CNOT10: variants seen among roughly 807,000 people sequenced by gnomAD.
The protein encoded by CNOT10 is CCR4-NOT transcription complex subunit 10.
In CNOT10, 30 loss-of-function variants were observed where a neutral mutation model predicts 94.6. The observed-to-expected ratio is 0.32, with a 90% CI of 0.24 to 0.43. The LOEUF (loss-of-function observed/expected upper bound fraction) is 0.43, where lower values mean the gene tolerates loss of function less well. Among genes scored for constraint, CNOT10 ranks in the 20% least tolerant of loss-of-function variants. The pLI, the probability that CNOT10 is intolerant of heterozygous loss-of-function variation, is 1.00. For missense variants in CNOT10, 759 were observed against 877.2 expected, an observed-to-expected ratio of 0.87 and a Z score of 1.70; for synonymous variants, 289 against 301.6, an observed-to-expected ratio of 0.96 and a Z score of 0.43.
chr3:32,767,364 C>T (rs1231785081), intron 17 of CNOT10, among the ~76,000 whole-genome samples: 1 of 151,830 alleles, frequency 6.6e-6, no homozygotes, highest in Admixed American at 6.6e-5. Context: ...ACTAAAAATG[C>T]AAAAAGTAGC....
At chr3:32,744,443 A>G (rs1390639266) in intron 13 of CNOT10, among the ~76,000 whole-genome samples, 1 of 152,158 alleles carries the variant, frequency 6.6e-6, no homozygotes, top group Non-Finnish European at 1.5e-5. Flanking sequence ...ACGGGTTTAT[A>G]GCCCCTTGAG....
At chr3:32,689,001 G>C (rs568616272) in intron 1 of CNOT10, among the ~76,000 whole-genome samples, 1 of 151,884 alleles carries the variant, frequency 6.6e-6, no homozygotes, top group Admixed American at 6.6e-5. Context: ...TCAAGAGATC[G>C]AGACCATCCT....
At chr3:32,727,641 G>A (rs762553455) in intron 9 of CNOT10, 27 bp from the exon 10 acceptor site, 2 of 1,388,378 alleles carry the variant, frequency 1.4e-6, no homozygotes, top group Non-Finnish European at 2.1e-6. Context: ...ATCTAATGAT[G>A]TATTCTTATC....
intron 10 of CNOT10, among the ~76,000 whole-genome samples, chr3:32,729,122 A>G (rs947607705): frequency 2.0e-5 from 3 of 152,164 alleles, no homozygotes; most frequent in Admixed American, 6.5e-5. Flanking sequence ...CATAATGTGG[A>G]AAGAGCTGCA....
chr3:32,737,306 T>G (rs1699232284), intron 12 of CNOT10, 104 bp from the exon 13 acceptor site: 1 of 704,424 alleles, frequency 1.4e-6, no homozygotes, highest in Non-Finnish European at 2.4e-6. Flanking sequence ...CGAGCAAAAC[T>G]CTGTCTCAAA....
chr3:32,714,216 G>T (rs1698018318), intron 5 of CNOT10, among the ~76,000 whole-genome samples: 1 of 152,014 alleles, frequency 6.6e-6, no homozygotes, highest in African/African-American at 2.4e-5. Context: ...ATCTTAGGGG[G>T]TGTGAAGTGG....
Position 32,716,238 on chromosome 3 carries a change from A to G in CNOT10, c.587A>G (p.Asn196Ser), listed in dbSNP as rs374333174. Residue 196 changes from asparagine to serine, a missense_variant, in exon 6 of 19, where the codon AAC (asparagine) becomes AGC (serine). Transcript: ENST00000328834. The part of the protein sequence containing the change: ...KNGKNETGNN[N>S]NKDGSNHKAE... The stretch of plus-strand genomic sequence containing the variant: ...ATCACCCTACAGACTGGTAATAACA[A>G]CAACAAAGATGGATCTAATCATAAA... The G allele has an allele frequency of 8.7e-5, 138 of 1,589,474 alleles. No individual in the cohort carries two copies. The highest frequency in any genetic ancestry group is 1.1e-4 in the Non-Finnish European group (131 of 1,165,898).
chr3:32,708,885 T>C (rs1697746024), intron 4 of CNOT10, 65 bp downstream of exon 4: 4 of 1,332,488 alleles, frequency 3.0e-6, no homozygotes, highest in Non-Finnish European at 4.1e-6. Flanking sequence ...CTCTGGTACT[T>C]TTACCTAGAT....
chr3:32,770,108 G>A lies in CNOT10; in HGVS notation c.2080+146G>A, dbSNP rs1030761556. 1.1e-5 allele frequency: 7 copies of A among 621,126 alleles called. No homozygotes were observed. The Admixed American group carries it at 1.8e-4, about 16-fold the overall frequency. The allele number at this position is 621,126 out of a possible 1,614,324, so 38.5% of individuals were successfully genotyped here. On this transcript the variant is annotated intron_variant, in intron 18 of 18. Coordinates refer to ENST00000328834, the MANE Select transcript of CNOT10 (RefSeq NM_015442.3). The stretch of plus-strand genomic sequence containing the variant: ...GCAGCCTCCAAACTCCTAGGCTCAA[G>A]CAGCCTTCCCACCTCAGCCTTCCAG...
At chr3:32,719,820 A>G (rs1698290357) in intron 7 of CNOT10, among the ~76,000 whole-genome samples, 1 of 152,234 alleles carries the variant, frequency 6.6e-6, no homozygotes, top group Non-Finnish European at 1.5e-5. Context: ...TTCAGTTAGT[A>G]GTGTAGTAGA....
intron 13 of CNOT10, chr3:32,753,656 C>G: frequency 6.3e-7 from 1 of 1,575,096 alleles, no homozygotes; most frequent in African/African-American, 1.4e-5. Flanking sequence ...TCTCCTTATA[C>G]AAGAAATTGG....
intron 1 of CNOT10, among the ~76,000 whole-genome samples, chr3:32,686,749 T>C (rs763128704): frequency 1.3e-5 from 2 of 152,214 alleles, no homozygotes; most frequent in Non-Finnish European, 2.9e-5. Flanking sequence ...ATAGTGTCTG[T>C]GTTCCCCACA....
At chr3:32,746,396 T>C (rs1373511025) in intron 13 of CNOT10, among the ~76,000 whole-genome samples, 1 of 152,162 alleles carries the variant, frequency 6.6e-6, no homozygotes. Flanking sequence ...CTCACCATAA[T>C]GTAGAATCAG....
At chr3:32,705,124 C>A in intron 3 of CNOT10, 152 bp downstream of exon 3, 2 of 622,402 alleles carry the variant, frequency 3.2e-6, no homozygotes, top group Non-Finnish European at 2.6e-6. Context: ...AATTATTATT[C>A]CAGGAGATAA....
chr3:32,757,181 T>TTTA (rs1559514246), intron 13 of CNOT10, among the ~76,000 whole-genome samples: 1 of 122,702 alleles, frequency 8.1e-6, no homozygotes, highest in Non-Finnish European at 1.7e-5. Context: ...TTTTTTTTTT[T>TTTA]TTTTTTTTTT....
rs1278813959 is a variant in CNOT10, at chr3:32,708,823, A to G, written c.430+3A>G. ...TTATCAGTTCATAGAGCCTTTTGGTATGTTATCTGTCAAGTCAAAAATTTC... is the reference window on the plus strand; with the variant it reads ...TTATCAGTTCATAGAGCCTTTTGGTGTGTTATCTGTCAAGTCAAAAATTTC... On this transcript the variant is annotated splice_donor_region_variant and intron_variant, in intron 4 of 18. Transcript: ENST00000328834. 3.1e-6 allele frequency: 5 copies of G among 1,602,924 alleles called. No homozygotes were observed. The highest frequency in any genetic ancestry group is 4.2e-6 in the Non-Finnish European group (5 of 1,176,792).
chr3:32,703,078 A>ATTTT lies in CNOT10; in HGVS notation c.23-774_23-771dup, dbSNP rs67920905. 2.5e-4 allele frequency among the ~76,000 whole-genome samples: 31 copies of ATTTT among 124,220 alleles called. 2 individuals are homozygous for ATTTT. Among genetic ancestry groups the ATTTT allele is most frequent in the African/African-American group, 8.2e-4 (27 of 32,896 alleles). The allele number at this position is 124,220 out of a possible 152,430, so 81.5% of individuals were successfully genotyped here. ...AGGCGCCCGCCACCACGCCAAGCTA[A>ATTTT]TTTTTTTTTTTTTTTTTTTGTATTT... On this transcript the variant is annotated intron_variant, in intron 1 of 18. Coordinates refer to ENST00000328834, the MANE Select transcript of CNOT10 (RefSeq NM_015442.3).
intron 13 of CNOT10, among the ~76,000 whole-genome samples, chr3:32,749,759 T>C (rs1396197949): frequency 1.3e-5 from 2 of 150,714 alleles, no homozygotes; most frequent in Non-Finnish European, 3.0e-5. Context: ...CTCAACTTCA[T>C]TTTTTTTTGC....
intron 2 of CNOT10, among the ~76,000 whole-genome samples, chr3:32,704,336 T>G (rs960587997): frequency 2.0e-5 from 3 of 152,184 alleles, no homozygotes; most frequent in Non-Finnish European, 4.4e-5. Flanking sequence ...TACTTTAAAA[T>G]GGAACCCCAA....
Sources: gnomAD v4.1 joint callset for allele counts (sites outside exome capture counted in the v4.1 genomes callset) on GRCh38, gnomAD v4.1.1 for gene constraint, MANE v1.5 for transcripts, NCBI Gene and HGNC (gene_info 2026-07-23, HGNC 2026-07-21) for gene names.